Variants in NSD2 observed in about 807,000 individuals in gnomAD.
The protein encoded by NSD2 is histone-lysine N-methyltransferase NSD2.
A neutral mutation model predicts 139.0 loss-of-function variants in NSD2; 12 were observed. The observed-to-expected ratio is 0.09, with a 90% CI of 0.06 to 0.14. The LOEUF (loss-of-function observed/expected upper bound fraction) is 0.14. Ranked by LOEUF, NSD2 falls within the 10% of genes least tolerant of loss-of-function variation. The probability of loss-of-function intolerance (pLI) is 1.00; values close to 1 mark genes in which losing one functional copy is unlikely to be tolerated. For synonymous variants in NSD2, 669 were observed against 648.7 expected (o/e 1.03, Z -0.48); for missense variants, 1,155 against 1,745.0 (o/e 0.66, Z 6.02).
chr4:1,967,588 A>G (rs1726018742), intron 18 of NSD2, among the ~76,000 whole-genome samples: 1 of 152,190 alleles, frequency 6.6e-6, no homozygotes, highest in Non-Finnish European at 1.5e-5. Context: ...AAAAAAAAAA[A>G]AAAAGATATT....
At chr4:1,891,871 A>AC (rs1560568236) in intron 1 of NSD2, among the ~76,000 whole-genome samples, 3 of 150,272 alleles carry the variant, frequency 2.0e-5, no homozygotes, top group Non-Finnish European at 3.0e-5. Flanking sequence ...AAAAAAAAAA[A>AC]CAAAAAAAAA....
rs777987575 is a variant in NSD2, at chr4:1,979,065, G to A, written c.*156G>A. On this transcript the variant is annotated 3_prime_UTR_variant, in exon 22 of 22. Transcript: ENST00000508803. ...CGGGAGGGAGCGCCTCCCCACCACT[G>A]AGCCATCCTCAGCAGCGTCCGCTGC... 5.3e-6 allele frequency: 5 copies of A among 943,518 alleles called. No homozygotes were observed. The highest frequency in any genetic ancestry group is 7.4e-6 in the Non-Finnish European group (5 of 671,688). 58.4% of individuals were successfully genotyped at this position (943,518 alleles called of 1,614,324 possible). A position where few individuals can be genotyped will look rare whatever the true frequency, so the allele number is the denominator to read the frequency against.
intron 7 of NSD2, among the ~76,000 whole-genome samples, chr4:1,937,205 C>A (rs1722507903): frequency 1.3e-5 from 2 of 152,094 alleles, no homozygotes; most frequent in Admixed American, 6.6e-5. Context: ...GTGCGTGCCA[C>A]CATGTCCAGC....
chr4:1,897,467 G>A (rs944063719), intron 1 of NSD2, among the ~76,000 whole-genome samples: 3 of 152,046 alleles, frequency 2.0e-5, no homozygotes, highest in South Asian at 2.1e-4. Context: ...CTCCAGCTTC[G>A]GTGGTAGTGA....
rs1465547845 is a variant in NSD2, at chr4:1,942,225, A to G, written c.1881+2447A>G. Reference sequence around the variant, plus strand: ...GGAAGAGAATAAATTAAAATTACACACTTGCATGACAAAGGCCTGTGAAGG... The same window carrying G: ...GGAAGAGAATAAATTAAAATTACACGCTTGCATGACAAAGGCCTGTGAAGG... On this transcript the variant is annotated intron_variant, in intron 9 of 21. Transcript: ENST00000508803. This position sits in a 1 kb window ranked among gnomAD's most constrained non-coding sequence, Gnocchi z 4.0. 8 of 1,513,790 alleles carry G rather than the reference A, an allele frequency of 5.3e-6. No homozygotes were observed. In the East Asian group the frequency reaches 6.9e-5, roughly 13 times the overall value. The allele number at this position is 1,513,790 out of a possible 1,614,324, so 93.8% of individuals were successfully genotyped here. A position where few individuals can be genotyped will look rare whatever the true frequency, so the allele number is the denominator to read the frequency against.
At chr4:1,977,541 C>CA (rs752206765) in intron 21 of NSD2, among the ~76,000 whole-genome samples, 10 of 152,168 alleles carry the variant, frequency 6.6e-5, no homozygotes, top group Admixed American at 6.5e-5. Flanking sequence ...TTTGGGAGGC[C>CA]AAGGTGAGCA....
intron 11 of NSD2, chr4:1,952,691 C>T: frequency 9.4e-7 from 1 of 1,058,876 alleles, no homozygotes; most frequent in Non-Finnish European, 1.1e-6. Context: ...ACAGAAAGAA[C>T]AGCTCCAGGC....
intron 5 of NSD2, among the ~76,000 whole-genome samples, chr4:1,927,808 TAG>T (rs1299298547): frequency 6.7e-6 from 1 of 149,450 alleles, no homozygotes; most frequent in African/African-American, 2.5e-5. Context: ...CTCTAATTTG[TAG>T]AGTCTCCAAT....
intron 2 of NSD2, among the ~76,000 whole-genome samples, chr4:1,901,761 C>T (rs1157204198): frequency 1.3e-5 from 2 of 152,238 alleles, no homozygotes; most frequent in African/African-American, 4.8e-5. Flanking sequence ...CACTTACTGT[C>T]TCCTCAGCCA....
At chr4:1,894,304 T>TTGATGAA (rs745769801) in intron 1 of NSD2, among the ~76,000 whole-genome samples, 34 of 152,190 alleles carry the variant, frequency 2.2e-4, no homozygotes, top group Non-Finnish European at 4.7e-4. Flanking sequence ...ATACAATGTA[T>TTGATGAA]CTAGATGATT....
rs773908730 is a variant in NSD2 at position 1,951,113 on chromosome 4, C to T, written c.1923C>T (p.Tyr641=). 1.5e-5 allele frequency: 24 copies of T among 1,614,052 alleles called. 1 individual carries two copies. Among genetic ancestry groups the T allele is most frequent in the South Asian group, 7.7e-5 (7 of 91,090 alleles). Residue 641 remains tyrosine (Y), a synonymous_variant, in exon 10 of 22, where the codon TAC becomes TAT. Coordinates refer to ENST00000508803, the MANE Select transcript of NSD2 (RefSeq NM_001042424.3). ...SPGDEPSESP[Y]ESADETQTEV... ...GAGACGAGCCCTCGGAGTCCCCATA[C>T]GAAAGTGCAGACGAAACACAAACTG...
intron 1 of NSD2, among the ~76,000 whole-genome samples, chr4:1,880,996 A>G (rs1714656439): frequency 6.6e-6 from 1 of 152,162 alleles, no homozygotes; most frequent in Non-Finnish European, 1.5e-5. Flanking sequence ...CCTCCCTTTT[A>G]GAGGTGCATA....
chr4:1,948,709 C>T lies in NSD2; in HGVS notation c.1882-2363C>T. 2 of 1,052,994 alleles carry T rather than the reference C, an allele frequency of 1.9e-6. No homozygotes were observed. The highest frequency in any genetic ancestry group is 9.1e-5 in the South Asian group (2 of 21,864). The allele number at this position is 1,052,994 out of a possible 1,614,324, so 65.2% of individuals were successfully genotyped here. A position where few individuals can be genotyped will look rare whatever the true frequency, so the allele number is the denominator to read the frequency against. On this transcript the variant is annotated intron_variant, in intron 9 of 21. Transcript: ENST00000508803. This position sits in a 1 kb window ranked among gnomAD's most constrained non-coding sequence, Gnocchi z 4.5. ...TATATTTCCATTCAAAATATGTATT[C>T]AGTGTTTATTTCCTCAAAACAGACT... is the stretch of plus-strand genomic sequence containing the variant.
At chr4:1,975,432 C>G (rs771641509) in intron 20 of NSD2, 32 bp downstream of exon 20, 2 of 1,600,814 alleles carry the variant, frequency 1.2e-6, no homozygotes, top group Non-Finnish European at 8.6e-7. Flanking sequence ...TCCCCCCAGG[C>G]TCTGTGTTGG....
chr4:1,956,158 G>A lies in NSD2; in HGVS notation c.2851G>A (p.Val951Ile). 1 of 1,613,348 alleles carries A rather than the reference G, an allele frequency of 6.2e-7. No individual in the cohort carries two copies. Among genetic ancestry groups the A allele is most frequent in the Non-Finnish European group, 8.5e-7 (1 of 1,179,588 alleles). ...GGACCGGGGCAGCCGCTACCAGGGGGTCAGAGGGATCGGAAGAGTCTTCAA... is the reference window on the plus strand; with the variant it reads ...GGACCGGGGCAGCCGCTACCAGGGGATCAGAGGGATCGGAAGAGTCTTCAA... ...EGDRGSRYQG[V>I]RGIGRVFKNA... Residue 951 changes from valine to isoleucine, a missense_variant, in exon 15 of 22, where the codon GTC becomes ATC. Physicochemically the swap from Val to Ile is conservative, Grantham distance 29. Coordinates refer to ENST00000508803, the MANE Select transcript of NSD2 (RefSeq NM_001042424.3). This position sits in a 1 kb window ranked among gnomAD's most constrained non-coding sequence, Gnocchi z 5.3.
Position 1,889,524 on chromosome 4 carries a change from G to A in NSD2, c.-29-11102G>A, listed in dbSNP as rs543160765. On this transcript the variant is annotated intron_variant, in intron 1 of 21. Transcript: ENST00000508803. ...TTTGACTTTTTTTTTTTTTTGAGTC[G>A]GAGTTTTGCTGTTGTTTCCCAGGCT... Among the ~76,000 whole-genome samples the A allele has an allele frequency of 6.0e-5, 9 of 149,958 alleles. No individual in the cohort carries two copies. In the South Asian group the frequency reaches 1.5e-3, roughly 25 times the overall value.
intron 3 of NSD2, among the ~76,000 whole-genome samples, chr4:1,913,895 A>G (rs1719015765): frequency 6.6e-6 from 1 of 152,180 alleles, no homozygotes; most frequent in Non-Finnish European, 1.5e-5. Context: ...CAGGCCCTGT[A>G]GGGCTGATCC....
At position 1,942,751 on chromosome 4, in the gene NSD2, T is replaced by G. The variant is rs1020749367; in HGVS notation, c.1881+2973T>G. ...TGTTAGAGTTGCTTCTCCTCTAGTT[T>G]GTAACTTACTGGACTTTTGTGGAAA... is the stretch of plus-strand genomic sequence containing the variant. On this transcript the variant is annotated intron_variant, in intron 9 of 21. Transcript: ENST00000508803. The surrounding 1 kb of genome is among the most constrained non-coding windows in gnomAD (Gnocchi z 4.0). The G allele has an allele frequency of 8.3e-6, 9 of 1,088,214 alleles. No individual in the cohort carries two copies. Among genetic ancestry groups the G allele is most frequent in the Non-Finnish European group, 1.0e-5 (9 of 892,700 alleles). The allele number at this position is 1,088,214 out of a possible 1,614,324, so 67.4% of individuals were successfully genotyped here. A position where few individuals can be genotyped will look rare whatever the true frequency, so the allele number is the denominator to read the frequency against.
chr4:1,941,874 C>T, intron 9 of NSD2: 1 of 1,061,088 alleles, frequency 9.4e-7, no homozygotes, highest in Non-Finnish European at 1.1e-6. Context: ...GTTTCCAATG[C>T]TGAATGCCTG....
Sources: gnomAD v4.1 joint callset for allele counts (sites outside exome capture counted in the v4.1 genomes callset) on GRCh38, gnomAD v4.1.1 for gene constraint, Gnocchi (gnomAD v3.1) non-coding constraint, MANE v1.5 for transcripts, NCBI Gene and HGNC (gene_info 2026-07-23, HGNC 2026-07-21) for gene names.